Variants in APBA1 observed in about 807,000 individuals in gnomAD.
APBA1 encodes the protein amyloid beta precursor protein binding family A member 1.
APBA1 carries 55 observed loss-of-function variants against 86.6 expected under a neutral mutation model. That is an observed-to-expected ratio of 0.64 (90% CI 0.51 to 0.80). APBA1 has a LOEUF of 0.80. Among genes scored for constraint, APBA1 ranks in the 30% least tolerant of loss-of-function variants. The pLI, the probability that APBA1 is intolerant of heterozygous loss-of-function variation, is 0.00. For synonymous variants in APBA1, 511 were observed against 493.9 expected (o/e 1.03, Z -0.46); for missense variants, 1,090 against 1,183.0 (o/e 0.92, Z 1.15).
At chr9:69,604,158 T>C (rs1260713596) in intron 1 of APBA1, among the ~76,000 whole-genome samples, 1 of 152,060 alleles carries the variant, frequency 6.6e-6, no homozygotes, top group Non-Finnish European at 1.5e-5. Flanking sequence ...TAGACAGCGT[T>C]TGTGGGGGGG....
In APBA1 at chr9:69,534,797, G is replaced by A. The variant is rs551861254; in HGVS notation, c.-69-17518C>T. On this transcript the variant is annotated intron_variant, in intron 1 of 12. Transcript: ENST00000265381. ...AGGGGTTACTTCCATAACTCTATACGATATATCACAATTTATTGACTTAAT... is the reference window on the plus strand; with the variant it reads ...AGGGGTTACTTCCATAACTCTATACAATATATCACAATTTATTGACTTAAT... Among the ~76,000 whole-genome samples the A allele has an allele frequency of 7.2e-5, 11 of 152,012 alleles. No individual in the cohort carries two copies. The East Asian group carries it at 1.2e-3, about 16-fold the overall frequency.
At chr9:69,467,448 C>A (rs1334542674) in intron 5 of APBA1, among the ~76,000 whole-genome samples, 2 of 152,176 alleles carry the variant, frequency 1.3e-5, no homozygotes. Context: ...TAAACCAACT[C>A]TGTAACATGA....
chr9:69,614,383 G>A (rs907446815), intron 1 of APBA1, among the ~76,000 whole-genome samples: 1 of 152,120 alleles, frequency 6.6e-6, no homozygotes, highest in Non-Finnish European at 1.5e-5. Context: ...GAGAAACATT[G>A]TCAAATGATA....
chr9:69,516,259 C>A lies in APBA1; in HGVS notation c.952G>T (p.Ala318Ser), dbSNP rs1281948736. 1.4e-6 allele frequency: 2 copies of A among 1,380,104 alleles called. No homozygotes were observed. The highest frequency in any genetic ancestry group is 1.9e-6 in the Non-Finnish European group (2 of 1,072,132). The allele number at this position is 1,380,104 out of a possible 1,614,324, so 85.5% of individuals were successfully genotyped here. The change falls in exon 2 of 13, where the codon GCG (alanine) becomes TCG (serine). Residue 318 changes from alanine (A) to serine (S), a missense_variant. By Grantham distance (99) the Ala-to-Ser change is moderately conservative. Transcript: ENST00000265381. This position sits in a 1 kb window ranked among gnomAD's most constrained non-coding sequence, Gnocchi z 7.3. ...GGRPDSPGLQ[A>S]PAGQQRAVGP... is the part of the protein sequence containing the mutation. Reference sequence around the variant, plus strand: ...ACCGCCCGCTGCTGCCCCGCCGGCGCCTGCAGCCCGGGGCTGTCGGGGCGA... The same window carrying A: ...ACCGCCCGCTGCTGCCCCGCCGGCGACTGCAGCCCGGGGCTGTCGGGGCGA...
At chr9:69,525,193 A>C (rs1836322709) in intron 1 of APBA1, among the ~76,000 whole-genome samples, 1 of 152,146 alleles carries the variant, frequency 6.6e-6, no homozygotes, top group Admixed American at 6.6e-5. Flanking sequence ...GCCCACCGTC[A>C]TCACCTATTC....
intron 11 of APBA1, among the ~76,000 whole-genome samples, chr9:69,433,808 CTTTTTT>C (rs35255395): frequency 1.6e-5 from 2 of 128,458 alleles, no homozygotes; most frequent in South Asian, 2.6e-4. Context: ...TTACCTAGGA[CTTTTTT>C]TTTTTTTTTT....
At chr9:69,628,605 A>G (rs374609152) in intron 1 of APBA1, among the ~76,000 whole-genome samples, 2 of 152,144 alleles carry the variant, frequency 1.3e-5, no homozygotes, top group Admixed American at 6.6e-5. Flanking sequence ...AAGAATATCT[A>G]TTAGCTTTCT....
intron 1 of APBA1, among the ~76,000 whole-genome samples, chr9:69,575,919 C>G (rs1331039607): frequency 6.6e-6 from 1 of 152,144 alleles, no homozygotes; most frequent in African/African-American, 2.4e-5. Flanking sequence ...AGTGAACAGG[C>G]AACCTACAGA....
chr9:69,546,615 G>C (rs767793189), intron 1 of APBA1, among the ~76,000 whole-genome samples: 1 of 152,158 alleles, frequency 6.6e-6, no homozygotes, highest in Non-Finnish European at 1.5e-5. Flanking sequence ...TCTGGGGGGA[G>C]AGATACTTTG....
At chr9:69,547,419 C>T (rs1836715151) in intron 1 of APBA1, among the ~76,000 whole-genome samples, 1 of 152,136 alleles carries the variant, frequency 6.6e-6, no homozygotes, top group Admixed American at 6.6e-5. Flanking sequence ...TAGAGAGCTT[C>T]CCTAGAATCC....
rs1836165325 is a variant in APBA1 at position 69,516,824 on chromosome 9, G to A, written c.387C>T (p.Tyr129=). 1.9e-6 allele frequency: 3 copies of A among 1,606,366 alleles called. No individual in the cohort carries two copies. The highest frequency in any genetic ancestry group is 2.5e-6 in the Non-Finnish European group (3 of 1,179,228). ...AVQYRPEAEE[Y]TEQAEAEHAE... is the part of the protein sequence containing the mutation. Reference sequence around the variant, plus strand: ...CGTGCTCGGCCTCTGCCTGCTCCGTGTACTCCTCGGCCTCGGGCCGGTACT... The same window carrying A: ...CGTGCTCGGCCTCTGCCTGCTCCGTATACTCCTCGGCCTCGGGCCGGTACT... The change falls in exon 2 of 13, where the codon TAC becomes TAT. Residue 129 remains tyrosine, a synonymous_variant. Transcript: ENST00000265381. This position sits in a 1 kb window ranked among gnomAD's most constrained non-coding sequence, Gnocchi z 7.3.
intron 1 of APBA1, among the ~76,000 whole-genome samples, chr9:69,518,401 TTA>T (rs1174996958): frequency 6.6e-6 from 1 of 152,182 alleles, no homozygotes; most frequent in Non-Finnish European, 1.5e-5. Flanking sequence ...TTCTAAGATT[TTA>T]TGAGTTGCCA....
intron 1 of APBA1, among the ~76,000 whole-genome samples, chr9:69,531,773 G>C (rs1342760019): frequency 6.6e-6 from 1 of 152,160 alleles, no homozygotes; most frequent in Non-Finnish European, 1.5e-5. Context: ...AGGAGGAGTT[G>C]GAAGAGGAAA....
At chr9:69,435,186 G>A (rs1834683797) in intron 11 of APBA1, among the ~76,000 whole-genome samples, 1 of 151,842 alleles carries the variant, frequency 6.6e-6, no homozygotes, top group Non-Finnish European at 1.5e-5. Flanking sequence ...TCTTAATCTA[G>A]TCTATCATTG....
intron 1 of APBA1, among the ~76,000 whole-genome samples, chr9:69,639,536 G>A (rs1588407178): frequency 6.6e-6 from 1 of 152,046 alleles, no homozygotes; most frequent in African/African-American, 2.4e-5. Flanking sequence ...AAGGAATCAG[G>A]GCCACCTTTA....
chr9:69,441,197 A>G, intron 10 of APBA1, 82 bp from the exon 11 acceptor site: 1 of 1,511,240 alleles, frequency 6.6e-7, no homozygotes, highest in Non-Finnish European at 8.9e-7. Flanking sequence ...CCAAAGGCAA[A>G]AGAAGCTGCA....
chr9:69,658,260 CTTTCTTTCTTTCTT>C (rs1554709925), intron 1 of APBA1, among the ~76,000 whole-genome samples: 6 of 21,230 alleles, frequency 2.8e-4, no homozygotes, highest in Admixed American at 1.1e-3. Context: ...TTCTTTCTTT[CTTTCTTTCTTTCTT>C]TCTTTCTTTC....
At chr9:69,474,166 C>T (rs1398967846) in intron 3 of APBA1, 3 of 152,170 alleles carry the variant, frequency 2.0e-5, no homozygotes, top group African/African-American at 4.8e-5. Flanking sequence ...CAAATCGACT[C>T]GTGCAGAACT....
At chr9:69,452,970 A>T (rs2133810599) in intron 8 of APBA1, among the ~76,000 whole-genome samples, 1 of 152,336 alleles carries the variant, frequency 6.6e-6, no homozygotes, top group South Asian at 2.1e-4. Flanking sequence ...TCAATTTGAA[A>T]TGTCAACTGG....
Sources: gnomAD v4.1 joint callset for allele counts (sites outside exome capture counted in the v4.1 genomes callset) on GRCh38, gnomAD v4.1.1 for gene constraint, Gnocchi (gnomAD v3.1) non-coding constraint, MANE v1.5 for transcripts, NCBI Gene and HGNC (gene_info 2026-07-23, HGNC 2026-07-21) for gene names.